The following ABCA1 variants were observed in gnomAD, a reference collection of about 807,000 sequenced individuals.
ABCA1 encodes ATP binding cassette subfamily A member 1, also known as phospholipid-transporting ATPase ABCA1.
A neutral mutation model predicts 262.5 loss-of-function variants in ABCA1; 133 were observed. That is an observed-to-expected ratio of 0.51 (90% CI 0.44 to 0.59). ABCA1 has a LOEUF of 0.59. ABCA1 is among the 20% of genes least tolerant of loss of function. The pLI is 0.00. For synonymous variants in ABCA1, 1,022 were observed against 1,043.5 expected (o/e 0.98, Z 0.40); for missense variants, 2,452 against 2,777.5 (o/e 0.88, Z 2.63).
intron 1 of ABCA1, among the ~76,000 whole-genome samples, chr9:104,926,989 A>G (rs773639190): frequency 2.0e-5 from 3 of 151,948 alleles, no homozygotes; most frequent in Non-Finnish European, 4.4e-5. Flanking sequence ...AGGCCGGTGG[A>G]TCACCTGAGG....
At chr9:104,803,853 C>T (rs1040856114) in intron 32 of ABCA1, among the ~76,000 whole-genome samples, 1 of 152,106 alleles carries the variant, frequency 6.6e-6, no homozygotes, top group East Asian at 1.9e-4. Context: ...GTGATCCACC[C>T]GCCTTGGCCT....
chr9:104,815,413 G>T (rs963719120), intron 25 of ABCA1, among the ~76,000 whole-genome samples: 1 of 152,136 alleles, frequency 6.6e-6, no homozygotes, highest in Non-Finnish European at 1.5e-5. Context: ...CACTTGGCCA[G>T]ACAGCTTTTA....
chr9:104,830,745 G>A (rs1306740883), intron 14 of ABCA1, among the ~76,000 whole-genome samples, 180 bp downstream of exon 14: 4 of 151,698 alleles, frequency 2.6e-5, no homozygotes, highest in African/African-American at 7.3e-5. Flanking sequence ...GAGAAGGAAA[G>A]AGGTTTACTA....
At position 104,818,990 on chromosome 9, in the gene ABCA1, G is replaced by A; in HGVS notation, c.3242-107C>T. 2 of 1,108,160 alleles carry A rather than the reference G, an allele frequency of 1.8e-6. 1 individual carries two copies. 68.6% of individuals were successfully genotyped at this position (1,108,160 alleles called of 1,614,324 possible). On this transcript the variant is annotated intron_variant, in intron 22 of 49. Transcript: ENST00000374736. ...ATTAGCAGGGGTAAGCACTGGAAGA[G>A]ACCTGGAAGCCACCTTTCACCCTGT...
At chr9:104,799,323 C>G in intron 36 of ABCA1, 3 of 539,132 alleles carry the variant, frequency 5.6e-6, no homozygotes, top group South Asian at 1.5e-4. Context: ...GTTTAGAGAC[C>G]AGATTCAAAC....
intron 1 of ABCA1, among the ~76,000 whole-genome samples, chr9:104,924,146 T>C (rs980302467): frequency 2.0e-5 from 3 of 152,216 alleles, no homozygotes; most frequent in African/African-American, 7.2e-5. Context: ...TGGCCATTCA[T>C]GGTTGTATCC....
At chr9:104,806,219 T>C (rs753262668) in intron 31 of ABCA1, 22 bp downstream of exon 31, 1 of 1,611,318 alleles carries the variant, frequency 6.2e-7, no homozygotes, top group Admixed American at 1.7e-5. Context: ...TTCTGCCCAA[T>C]CACCCCCTGA....
At chr9:104,899,317 C>T (rs1331584009) in intron 2 of ABCA1, among the ~76,000 whole-genome samples, 1 of 152,138 alleles carries the variant, frequency 6.6e-6, no homozygotes. Flanking sequence ...TTTCCATCTA[C>T]TCTGTAAAAT....
At position 104,791,031 on chromosome 9, in the gene ABCA1, G is replaced by A. The variant is rs1198511066; in HGVS notation, c.5821-3C>T. ...TTAACTCCCAGGAGCCCAAAGCACT[G>A]AAAAGGAAAGATTAAGTTGTATAAG... On this transcript the variant is annotated splice_region_variant and splice_polypyrimidine_tract_variant and intron_variant, in intron 43 of 49. Coordinates refer to ENST00000374736, the MANE Select transcript of ABCA1 (RefSeq NM_005502.4). 3.1e-6 allele frequency: 5 copies of A among 1,609,160 alleles called. No individual in the cohort carries two copies. The highest frequency in any genetic ancestry group is 1.3e-5 in the African/African-American group (1 of 74,918).
At chr9:104,784,547 C>T in intron 49 of ABCA1, 92 bp from the exon 50 acceptor site, 2 of 1,437,192 alleles carry the variant, frequency 1.4e-6, no homozygotes, top group Non-Finnish European at 1.9e-6. Context: ...GAAATTAGGT[C>T]AAGTAGGAGC....
chr9:104,927,228 A>G (rs1321469699), intron 1 of ABCA1, among the ~76,000 whole-genome samples: 2 of 148,950 alleles, frequency 1.3e-5, no homozygotes, highest in Non-Finnish European at 1.5e-5. Flanking sequence ...AAAGAAAAAG[A>G]AAAGGAAACA....
chr9:104,792,120 G>T, intron 42 of ABCA1, 122 bp from the exon 43 acceptor site: 1 of 891,158 alleles, frequency 1.1e-6, no homozygotes, highest in Non-Finnish European at 1.8e-6. Flanking sequence ...ATAACCCTAA[G>T]CCATAGGCAT....
intron 29 of ABCA1, among the ~76,000 whole-genome samples, chr9:104,810,005 A>G (rs1405083565): frequency 1.3e-5 from 2 of 152,074 alleles, no homozygotes; most frequent in Non-Finnish European, 2.9e-5. Context: ...AATAACAGGC[A>G]CAGGTCACAA....
intron 7 of ABCA1, chr9:104,856,161 G>A: frequency 6.8e-7 from 1 of 1,474,414 alleles, no homozygotes. Context: ...TCAAGTATCA[G>A]TCCCAGCATT....
Position 104,889,187 on chromosome 9 carries a change from C to G in ABCA1, c.75G>C (p.Leu25=), listed in dbSNP as rs150710986. 2 of 1,613,996 alleles carry G rather than the reference C, an allele frequency of 1.2e-6. No homozygotes were observed. The highest frequency in any genetic ancestry group is 2.7e-5 in the African/African-American group (2 of 74,918). ...LTFRRRQTCQ[L]LLEVAWPLFI... The stretch of plus-strand genomic sequence containing the variant: ...ATAGAGGCCAGGCCACTTCCAGCAG[C>G]AGCTGACACTGAGTGGGAAATAAGA... Residue 25 remains leucine (L), a synonymous_variant, in exon 3 of 50, where the codon CTG becomes CTC. Coordinates refer to ENST00000374736, the MANE Select transcript of ABCA1 (RefSeq NM_005502.4).
intron 8 of ABCA1, among the ~76,000 whole-genome samples, chr9:104,844,651 G>C (rs1834700574): frequency 1.3e-5 from 2 of 152,196 alleles, no homozygotes; most frequent in African/African-American, 4.8e-5. Flanking sequence ...AAACGGATTA[G>C]AGAAGCAGCT....
chr9:104,836,764 G>GT (rs1833849877), intron 11 of ABCA1, among the ~76,000 whole-genome samples: 1 of 152,196 alleles, frequency 6.6e-6, no homozygotes. Flanking sequence ...CTATTTGACC[G>GT]TGAGTGGCAT....
intron 12 of ABCA1, among the ~76,000 whole-genome samples, chr9:104,832,180 A>G (rs1047542399): frequency 6.6e-6 from 1 of 152,190 alleles, no homozygotes; most frequent in Non-Finnish European, 1.5e-5. Flanking sequence ...CCCTACTAAT[A>G]TAATTTTTAA....
At chr9:104,784,654 T>TC (rs1828754582) in intron 49 of ABCA1, among the ~76,000 whole-genome samples, 199 bp from the exon 50 acceptor site, 1 of 152,096 alleles carries the variant, frequency 6.6e-6, no homozygotes, top group African/African-American at 2.4e-5. Flanking sequence ...AGACTTTTTT[T>TC]CCCCCCTTGA....
Sources: allele counts gnomAD v4.1 joint callset (sites outside exome capture counted in the v4.1 genomes callset), GRCh38; gene constraint gnomAD v4.1.1; transcripts MANE v1.5; gene names NCBI Gene and HGNC (gene_info 2026-07-23, HGNC 2026-07-21).